The following GALNT13 variants were observed in gnomAD, a reference collection of about 807,000 sequenced individuals.
GALNT13 encodes the protein UDP-GalNAc:polypeptide N-acetylgalactosaminyltransferase 13.
Under a neutral mutation model 64.2 loss-of-function variants are expected in GALNT13, and 28 were observed. That is an observed-to-expected ratio of 0.44 (90% CI 0.32 to 0.60). GALNT13 has a LOEUF of 0.60. GALNT13 is among the 20% of genes least tolerant of loss of function. The pLI, the probability that GALNT13 is intolerant of heterozygous loss-of-function variation, is 0.05. For missense variants in GALNT13, 577 were observed against 669.8 expected, an observed-to-expected ratio of 0.86 and a Z score of 1.53; for synonymous variants, 214 against 224.6, an observed-to-expected ratio of 0.95 and a Z score of 0.42.
At chr2:153,111,331 A>T in the GALNT13 span, among the ~76,000 whole-genome samples, 6 of 151,396 alleles carry the variant, frequency 4.0e-5, no homozygotes, top group Admixed American at 1.3e-4. Flanking sequence ...TTTTCATTTT[A>T]AAAAAAAACA....
the GALNT13 span, among the ~76,000 whole-genome samples, chr2:153,118,720 G>A: frequency 2.6e-4 from 39 of 152,214 alleles, no homozygotes; most frequent in African/African-American, 8.2e-4. Context: ...ATTATTCTAG[G>A]AGCCATGCAT....
chr2:153,166,954 A>G, the GALNT13 span, among the ~76,000 whole-genome samples: 2 of 152,222 alleles, frequency 1.3e-5, no homozygotes, highest in African/African-American at 4.8e-5. Flanking sequence ...GTTTGGATAG[A>G]AACCCCAGGC....
the GALNT13 span, among the ~76,000 whole-genome samples, chr2:153,309,085 A>G: frequency 7.9e-4 from 121 of 152,256 alleles, no homozygotes; most frequent in African/African-American, 2.8e-3. Flanking sequence ...CTAGAAAATG[A>G]TATCATCTCT....
chr2:153,704,142 T>C, the GALNT13 span, among the ~76,000 whole-genome samples: 67 of 152,244 alleles, frequency 4.4e-4, no homozygotes, highest in African/African-American at 1.4e-3. Context: ...TCACTTTATA[T>C]ATAAGGCATT....
the GALNT13 span, among the ~76,000 whole-genome samples, chr2:153,285,287 G>A: frequency 1.3e-5 from 2 of 152,124 alleles, no homozygotes; most frequent in African/African-American, 4.8e-5. Context: ...GATTTGTGGG[G>A]ATAATTACAA....
At chr2:154,287,022 G>C (rs1185545093) in intron 8 of GALNT13, 3 of 618,502 alleles carry the variant, frequency 4.9e-6, no homozygotes, top group Non-Finnish European at 9.0e-6. Context: ...CCCAAAGAGA[G>C]CTGGTCTCCA....
At chr2:153,662,600 G>C in the GALNT13 span, among the ~76,000 whole-genome samples, 1 of 152,166 alleles carries the variant, frequency 6.6e-6, no homozygotes, top group African/African-American at 2.4e-5. Context: ...GCACCAACTT[G>C]TCTGATTGAA....
At chr2:153,656,986 C>T in the GALNT13 span, among the ~76,000 whole-genome samples, 1 of 152,068 alleles carries the variant, frequency 6.6e-6, no homozygotes, top group African/African-American at 2.4e-5. Context: ...GATCCTAGAT[C>T]TTCAGCTGGC....
chr2:154,029,028 G>C (rs1239728416), intron 3 of GALNT13, among the ~76,000 whole-genome samples: 2 of 151,916 alleles, frequency 1.3e-5, no homozygotes, highest in East Asian at 3.9e-4. Context: ...GAATTTTTAA[G>C]TCGAATTGGT....
At chr2:153,163,504 G>C in the GALNT13 span, among the ~76,000 whole-genome samples, 26 of 152,186 alleles carry the variant, frequency 1.7e-4, no homozygotes, top group Admixed American at 1.6e-3. Flanking sequence ...ATCTGCACTG[G>C]TGAATCTAGG....
chr2:153,899,569 C>A (rs2105288510), intron 1 of GALNT13, among the ~76,000 whole-genome samples: 1 of 152,120 alleles, frequency 6.6e-6, no homozygotes, highest in African/African-American at 2.4e-5. Flanking sequence ...TTAGCAAAAT[C>A]ATTTATTCAT....
At chr2:154,046,587 C>A (rs4034732) in intron 3 of GALNT13, among the ~76,000 whole-genome samples, 56,498 of 151,990 alleles carry the variant, frequency 0.37, 11,076 homozygotes, top group East Asian at 0.74. Context: ...GTGGTCTAAA[C>A]TGTGATTCTC....
chr2:153,949,617 A>G (rs1692023382), intron 3 of GALNT13, among the ~76,000 whole-genome samples: 1 of 152,126 alleles, frequency 6.6e-6, no homozygotes, highest in African/African-American at 2.4e-5. Context: ...TAAAATTCTA[A>G]TAGAATGATA....
chr2:153,943,440 A>G (rs1691484998), intron 2 of GALNT13, among the ~76,000 whole-genome samples: 1 of 151,986 alleles, frequency 6.6e-6, no homozygotes, highest in South Asian at 2.1e-4. Context: ...ACTTAAGAAT[A>G]TGAGAACAAT....
At chr2:153,293,576 C>T in the GALNT13 span, among the ~76,000 whole-genome samples, 7 of 152,076 alleles carry the variant, frequency 4.6e-5, no homozygotes, top group Non-Finnish European at 1.0e-4. Flanking sequence ...CAGTCAAACC[C>T]GTTTTGGACT....
At chr2:153,614,937 G>A in the GALNT13 span, among the ~76,000 whole-genome samples, 1 of 151,962 alleles carries the variant, frequency 6.6e-6, no homozygotes, top group Non-Finnish European at 1.5e-5. Context: ...ATTGACTATA[G>A]TAACCCTGTT....
the GALNT13 span, among the ~76,000 whole-genome samples, chr2:153,725,056 C>A: frequency 1.3e-5 from 2 of 149,970 alleles, no homozygotes; most frequent in African/African-American, 4.9e-5. Flanking sequence ...GGAACCAACC[C>A]AAATGTCCAA....
chr2:153,323,950 T>C, the GALNT13 span, among the ~76,000 whole-genome samples: 1 of 152,214 alleles, frequency 6.6e-6, no homozygotes, highest in Non-Finnish European at 1.5e-5. Flanking sequence ...TCTTTTTGCT[T>C]AGGATTGTCT....
intron 4 of GALNT13, among the ~76,000 whole-genome samples, chr2:154,176,074 A>G (rs1050824258): frequency 6.6e-6 from 1 of 152,058 alleles, no homozygotes; most frequent in African/African-American, 2.4e-5. Context: ...AGTGATAACG[A>G]AAACATTAGA....
Sources: allele counts gnomAD v4.1 joint callset (sites outside exome capture counted in the v4.1 genomes callset), GRCh38; gene constraint gnomAD v4.1.1; transcripts MANE v1.5; gene names NCBI Gene and HGNC (gene_info 2026-07-23, HGNC 2026-07-21).